Variants in NTRK3 observed in about 807,000 individuals in gnomAD.
NTRK3 encodes NT-3 growth factor receptor.
Under a neutral mutation model 91.7 loss-of-function variants are expected in NTRK3, and 24 were observed. The ratio of observed to expected loss-of-function variants is 0.26; its 90% CI spans 0.19 to 0.37. The LOEUF (loss-of-function observed/expected upper bound fraction) is 0.37, where lower values mean the gene tolerates loss of function less well. NTRK3 is among the 10% of genes least tolerant of loss of function. The pLI, the probability that NTRK3 is intolerant of heterozygous loss-of-function variation, is 1.00. For synonymous variants in NTRK3, 483 were observed against 404.0 expected (o/e 1.20, Z -2.34); for missense variants, 880 against 1,068.9 (o/e 0.82, Z 2.46).
chr15:88,223,269 G>A (rs1289608237), intron 3 of NTRK3, among the ~76,000 whole-genome samples: 1 of 152,244 alleles, frequency 6.6e-6, no homozygotes, highest in African/African-American at 2.4e-5. Flanking sequence ...CAGGTCACCC[G>A]GGAGGACGCA....
At chr15:88,196,548 C>T (rs557794999) in intron 3 of NTRK3, among the ~76,000 whole-genome samples, 13 of 152,220 alleles carry the variant, frequency 8.5e-5, no homozygotes, top group Non-Finnish European at 1.9e-4. Context: ...AAATGATATT[C>T]ACCCTTGTTA....
chr15:88,236,437 C>G (rs544522509), intron 3 of NTRK3, among the ~76,000 whole-genome samples: 1 of 143,354 alleles, frequency 7.0e-6, no homozygotes. Flanking sequence ...CTTTGGGAGA[C>G]TGAGTCAGGA....
In NTRK3 at chr15:88,221,106, T is replaced by C. The variant is rs1429927183; in HGVS notation, c.248+34800A>G. Among the ~76,000 whole-genome samples, 4 of 152,336 alleles carry C rather than the reference T, an allele frequency of 2.6e-5. No homozygotes were observed. In the East Asian group the frequency reaches 7.7e-4, roughly 29 times the overall value. On this transcript the variant is annotated intron_variant, in intron 3 of 18. Transcript: ENST00000394480. The stretch of plus-strand genomic sequence containing the variant: ...GAAACTCTATTGCTGGTGGACTTCA[T>C]GCGGATTAATTTCAATTACTCTTTT...
chr15:88,177,839 T>C (rs1056165976), intron 5 of NTRK3, among the ~76,000 whole-genome samples: 3 of 152,222 alleles, frequency 2.0e-5, no homozygotes, highest in Non-Finnish European at 4.4e-5. Context: ...AAAACATATA[T>C]ATTGAGTCTT....
intron 18 of NTRK3, 86 bp downstream of exon 19, chr15:87,880,183 TG>T (rs1465134867): frequency 1.3e-6 from 2 of 1,549,510 alleles, no homozygotes; most frequent in East Asian, 2.2e-5. Context: ...TCCCACCTAA[TG>T]TCTTGTTCAG....
chr15:87,962,819 A>C (rs570425773), intron 14 of NTRK3, among the ~76,000 whole-genome samples: 3 of 152,338 alleles, frequency 2.0e-5, no homozygotes, highest in South Asian at 4.1e-4. Context: ...GACCTTGAGA[A>C]AGTCATGGCA....
At chr15:87,920,309 T>C (rs1011010659) in intron 17 of NTRK3, among the ~76,000 whole-genome samples, 1 of 152,236 alleles carries the variant, frequency 6.6e-6, no homozygotes, top group East Asian at 1.9e-4. Context: ...TACAACTTAA[T>C]AGGTCTTAGC....
At chr15:87,876,539 C>CCGTA (rs901500833) in exon 19 of NTRK3, 2 of 223,974 alleles carry the variant, frequency 8.9e-6, no homozygotes, top group Non-Finnish European at 1.8e-5. Context: ...CTCCAAAGAG[C>CCGTA]CGTAGCATTA....
intron 5 of NTRK3, among the ~76,000 whole-genome samples, chr15:88,172,713 G>T (rs2045632849): frequency 6.6e-6 from 1 of 152,234 alleles, no homozygotes; most frequent in Admixed American, 6.5e-5. Context: ...ACGTGGCCAT[G>T]TTATCTGGCC....
chr15:87,867,274 G>A (rs1596032709), exon 19 of NTRK3: 2 of 226,420 alleles, frequency 8.8e-6, no homozygotes, highest in East Asian at 1.3e-4. Flanking sequence ...TTGATGTGCA[G>A]GCTAGGAAAG....
chr15:88,144,762 A>C (rs995607789), intron 6 of NTRK3, among the ~76,000 whole-genome samples: 1 of 152,162 alleles, frequency 6.6e-6, no homozygotes, highest in Non-Finnish European at 1.5e-5. Context: ...AACCTCACAC[A>C]CATTAGATGC....
At chr15:88,124,884 A>C (rs1357770278) in intron 13 of NTRK3, among the ~76,000 whole-genome samples, 2 of 152,240 alleles carry the variant, frequency 1.3e-5, no homozygotes, top group Non-Finnish European at 2.9e-5. Flanking sequence ...CTTAAGAAAA[A>C]CTAGCTTGCT....
At chr15:88,115,795 T>C (rs1479642016) in intron 13 of NTRK3, among the ~76,000 whole-genome samples, 2 of 152,062 alleles carry the variant, frequency 1.3e-5, no homozygotes, top group East Asian at 1.9e-4. Flanking sequence ...AGCCACCACC[T>C]AGGGCAGTGT....
chr15:87,989,824 C>G (rs2075149489), intron 14 of NTRK3, among the ~76,000 whole-genome samples: 1 of 152,130 alleles, frequency 6.6e-6, no homozygotes, highest in Admixed American at 6.5e-5. Flanking sequence ...CCAGACTGGT[C>G]TATAACTCCT....
chr15:88,248,779 C>T (rs1404397197), intron 3 of NTRK3, among the ~76,000 whole-genome samples: 1 of 152,144 alleles, frequency 6.6e-6, no homozygotes, highest in Non-Finnish European at 1.5e-5. Context: ...GAGTGCTTGG[C>T]ACAGTGTCTA....
chr15:88,240,487 AC>A lies in NTRK3; in HGVS notation c.248+15418del, dbSNP rs2052239770. Among the ~76,000 whole-genome samples the A allele has an allele frequency of 6.6e-6, 1 of 152,008 alleles. No homozygotes were observed. Among genetic ancestry groups the A allele is most frequent in the African/African-American group, 2.4e-5 (1 of 41,374 alleles). ...GGGCCCCTTCTACCCCACCCTCCTTACCACCAAAACAGCACGTCATGTGTCC... is the reference window on the plus strand; with the variant it reads ...GGGCCCCTTCTACCCCACCCTCCTTACACCAAAACAGCACGTCATGTGTCC... On this transcript the variant is annotated intron_variant, in intron 3 of 18. Transcript: ENST00000394480. The surrounding 1 kb of genome is among the most constrained non-coding windows in gnomAD (Gnocchi z 4.9).
At chr15:88,138,041 T>C (rs927599238) in intron 6 of NTRK3, among the ~76,000 whole-genome samples, 4 of 146,916 alleles carry the variant, frequency 2.7e-5, no homozygotes, top group Non-Finnish European at 4.5e-5. Flanking sequence ...CAGAGCGAGA[T>C]TCCGTCTCAA....
intron 14 of NTRK3, among the ~76,000 whole-genome samples, chr15:88,021,308 AC>A (rs2077573461): frequency 6.6e-6 from 1 of 152,250 alleles, no homozygotes; most frequent in South Asian, 2.1e-4. Flanking sequence ...CCATCTGGGC[AC>A]TGTCACAGTG....
At chr15:88,216,512 G>A (rs550029794) in intron 3 of NTRK3, among the ~76,000 whole-genome samples, 81 of 152,308 alleles carry the variant, frequency 5.3e-4, no homozygotes, top group Non-Finnish European at 9.3e-4. Context: ...GCAGGGAGGC[G>A]ATTCTGCACG....
Sources: gnomAD v4.1 joint callset for allele counts (sites outside exome capture counted in the v4.1 genomes callset) on GRCh38, gnomAD v4.1.1 for gene constraint, Gnocchi (gnomAD v3.1) non-coding constraint, MANE v1.5 for transcripts, NCBI Gene and HGNC (gene_info 2026-07-23, HGNC 2026-07-21) for gene names.